EDARADD: variants seen among roughly 807,000 people sequenced by gnomAD.
EDARADD encodes the protein ectodysplasin-A receptor-associated adapter protein.
EDARADD carries 20 observed loss-of-function variants against 25.6 expected under a neutral mutation model. The ratio of observed to expected loss-of-function variants is 0.78; its 90% CI spans 0.55 to 1.14. The LOEUF (loss-of-function observed/expected upper bound fraction) is 1.14. Among genes scored for constraint, EDARADD ranks in the 50% most tolerant of loss-of-function variants. The probability of loss-of-function intolerance (pLI) is 0.00; values close to 1 mark genes in which losing one functional copy is unlikely to be tolerated. For synonymous variants in EDARADD, 86 were observed against 94.4 expected (o/e 0.91, Z 0.52); for missense variants, 225 against 270.1 (o/e 0.83, Z 1.17).
At position 236,463,354 on chromosome 1, in the gene EDARADD, C is replaced by T. The variant is rs1488783148; in HGVS notation, c.220-4877C>T. 4.6e-5 allele frequency among the ~76,000 whole-genome samples: 7 copies of T among 152,160 alleles called. No individual in the cohort carries two copies. The East Asian group carries it at 9.6e-4, about 21-fold the overall frequency. On this transcript the variant is annotated intron_variant, in intron 4 of 5. Coordinates refer to ENST00000334232, the MANE Select transcript of EDARADD (RefSeq NM_145861.4). The stretch of plus-strand genomic sequence containing the variant: ...TGTCATCCAGGCTGGAGTGCAGTGG[C>T]GAGATCTTGGTTCACTGCAACCTCC...
At chr1:236,417,405 T>C (rs538001340) in intron 3 of EDARADD, among the ~76,000 whole-genome samples, 1 of 152,264 alleles carries the variant, frequency 6.6e-6, no homozygotes, top group Non-Finnish European at 1.5e-5. Context: ...CCAGAATAGA[T>C]TGGTTTTGAA....
chr1:236,459,611 C>CCTTTTTTTTTTTTTTTT (rs776064017), intron 4 of EDARADD, among the ~76,000 whole-genome samples: 1 of 100,462 alleles, frequency 1.0e-5, no homozygotes. Context: ...TTATTTAGCT[C>CCTTTTTTTTTTTTTTTT]TTTTTTTTTT....
chr1:236,438,518 T>C (rs1413003419), intron 4 of EDARADD, among the ~76,000 whole-genome samples: 1 of 152,040 alleles, frequency 6.6e-6, no homozygotes, highest in Non-Finnish European at 1.5e-5. Flanking sequence ...GTTTGGGCAG[T>C]GGGAAAAGCA....
In EDARADD at chr1:236,409,270, A is replaced by G; in HGVS notation, c.116A>G (p.Asn39Ser). The G allele has an allele frequency of 6.2e-7, 1 of 1,611,620 alleles. No individual in the cohort carries two copies. The highest frequency in any genetic ancestry group is 1.7e-4 in the Middle Eastern group (1 of 6,052). ...EDTDPSTLSF[N>S]MSDKYPIQDT... The stretch of plus-strand genomic sequence containing the variant: ...ACAGACCCTAGCACTTTATCCTTTA[A>G]TATGGTAGGTGACAAATTTTACACT... Residue 39 changes from asparagine to serine, a missense_variant, in exon 2 of 6, where the codon AAT becomes AGT. Physicochemically the swap from Asn to Ser is conservative, Grantham distance 46. Transcript: ENST00000334232.
chr1:236,375,655 CAAAA>C (rs34232960), intron 3 of EDARADD, among the ~76,000 whole-genome samples: 2 of 74,560 alleles, frequency 2.7e-5, no homozygotes, highest in Admixed American at 1.7e-4. Context: ...GACTTGGTCT[CAAAA>C]AAAAAAAAAA....
chr1:236,453,978 T>A (rs968912552), intron 4 of EDARADD, among the ~76,000 whole-genome samples: 1 of 152,210 alleles, frequency 6.6e-6, no homozygotes, highest in South Asian at 2.1e-4. Context: ...ACTAGTTTTA[T>A]CTTGTTTCCT....
chr1:236,452,416 G>A (rs887289727), intron 4 of EDARADD, among the ~76,000 whole-genome samples: 5 of 152,276 alleles, frequency 3.3e-5, no homozygotes, highest in East Asian at 1.9e-4. Flanking sequence ...ATTGGATCAC[G>A]GGGGTGGTTA....
Position 236,423,423 on chromosome 1 carries a change from G to A in EDARADD, c.161-3969G>A, listed in dbSNP as rs566052930. Among the ~76,000 whole-genome samples, 17 of 152,244 alleles carry A rather than the reference G, an allele frequency of 1.1e-4. No individual in the cohort carries two copies. The East Asian group carries it at 1.2e-3, about 10-fold the overall frequency. On this transcript the variant is annotated intron_variant, in intron 3 of 5. Transcript: ENST00000334232. ...GTGGGGCAGTGGCCCATCTCTTTCC[G>A]TGAGCATTGTTGTGAGTACTGTATT... is the stretch of plus-strand genomic sequence containing the variant.
chr1:236,377,683 C>T (rs892499557), intron 3 of EDARADD, among the ~76,000 whole-genome samples: 2 of 151,128 alleles, frequency 1.3e-5, no homozygotes, highest in South Asian at 4.2e-4. Flanking sequence ...CATGGTGAAA[C>T]CCCGTCTCTA....
intron 4 of EDARADD, among the ~76,000 whole-genome samples, chr1:236,433,282 C>T (rs533546083): frequency 2.0e-5 from 3 of 148,802 alleles, no homozygotes; most frequent in Non-Finnish European, 3.0e-5. Flanking sequence ...TAACCCTGGG[C>T]GCGGTGGCTC....
chr1:236,431,952 A>AG lies in EDARADD; in HGVS notation c.219+4503dup, dbSNP rs1408459460. 1.3e-5 allele frequency among the ~76,000 whole-genome samples: 2 copies of AG among 149,994 alleles called. 1 individual carries two copies. The highest frequency in any genetic ancestry group is 5.0e-5 in the African/African-American group (2 of 40,274). On this transcript the variant is annotated intron_variant, in intron 4 of 5. Coordinates refer to ENST00000334232, the MANE Select transcript of EDARADD (RefSeq NM_145861.4). ...CAAAAAAAAAAAAAAAAAAAAAAAA[A>AG]GACCCCAGGCAGACCTTATAGACTT...
intron 4 of EDARADD, among the ~76,000 whole-genome samples, chr1:236,436,349 C>T (rs1374109931): frequency 6.6e-6 from 1 of 151,834 alleles, no homozygotes; most frequent in Non-Finnish European, 1.5e-5. Flanking sequence ...TAGAGACCAC[C>T]ATAGGTCTCA....
Position 236,482,815 on chromosome 1 carries a change from G to A in EDARADD, c.*166G>A, listed in dbSNP as rs1046804913. The A allele has an allele frequency of 8.3e-6, 7 of 839,164 alleles. No homozygotes were observed. The highest frequency in any genetic ancestry group is 1.7e-5 in the African/African-American group (1 of 58,068). 52.0% of individuals were successfully genotyped at this position (839,164 alleles called of 1,614,324 possible). ...TTGTGGAGGGGTAGCTTGTTTCGGT[G>A]GTGGATCTCTGTTTATTTTTGCACA... is the stretch of plus-strand genomic sequence containing the variant. On this transcript the variant is annotated 3_prime_UTR_variant, in exon 6 of 6. Coordinates refer to ENST00000334232, the MANE Select transcript of EDARADD (RefSeq NM_145861.4).
chr1:236,377,800 G>A (rs1667242487), intron 3 of EDARADD, among the ~76,000 whole-genome samples: 1 of 151,984 alleles, frequency 6.6e-6, no homozygotes, highest in African/African-American at 2.4e-5. Flanking sequence ...AGAGGTTGCA[G>A]TGAGCCAAGA....
intron 3 of EDARADD, among the ~76,000 whole-genome samples, chr1:236,389,172 C>A (rs1667391664): frequency 6.6e-6 from 1 of 152,136 alleles, no homozygotes; most frequent in African/African-American, 2.4e-5. Context: ...GGTGTGGGAG[C>A]ACCCATGATC....
At chr1:236,368,950 G>A (rs1011172106) in intron 3 of EDARADD, among the ~76,000 whole-genome samples, 1 of 151,990 alleles carries the variant, frequency 6.6e-6, no homozygotes, top group Non-Finnish European at 1.5e-5. Flanking sequence ...TTTGAGGTAA[G>A]GAATATGCCT....
intron 3 of EDARADD, among the ~76,000 whole-genome samples, chr1:236,373,374 T>G (rs1667193167): frequency 6.6e-6 from 1 of 152,098 alleles, no homozygotes; most frequent in South Asian, 2.1e-4. Flanking sequence ...CCCAGCCAAT[T>G]TTTGTATTTT....
intron 5 of EDARADD, among the ~76,000 whole-genome samples, chr1:236,477,578 A>T (rs954801461): frequency 6.6e-6 from 1 of 152,138 alleles, no homozygotes; most frequent in Non-Finnish European, 1.5e-5. Flanking sequence ...GGCCGGGAAG[A>T]CTTCGTGGAA....
chr1:236,421,840 GT>G (rs1216688239), intron 3 of EDARADD, among the ~76,000 whole-genome samples: 2 of 152,060 alleles, frequency 1.3e-5, no homozygotes, highest in African/African-American at 4.8e-5. Context: ...GAGTCTCAAT[GT>G]TAGGTCTTAT....
Sources: gnomAD v4.1 joint callset for allele counts (sites outside exome capture counted in the v4.1 genomes callset) on GRCh38, gnomAD v4.1.1 for gene constraint, MANE v1.5 for transcripts, NCBI Gene and HGNC (gene_info 2026-07-23, HGNC 2026-07-21) for gene names.